Variants in LARGE1 observed in about 807,000 individuals in gnomAD.
LARGE1 encodes xylosyl- and glucuronyltransferase LARGE1.
A neutral mutation model predicts 87.6 loss-of-function variants in LARGE1; 43 were observed. The ratio of observed to expected loss-of-function variants is 0.49; its 90% confidence interval spans 0.38 to 0.63. LARGE1 has a LOEUF of 0.63. Among genes scored for constraint, LARGE1 ranks in the 30% least tolerant of loss-of-function variants. The pLI is 0.00. For synonymous variants in LARGE1, 434 were observed against 394.6 expected (o/e 1.10, Z -1.18); for missense variants, 802 against 1,000.2 (o/e 0.80, Z 2.67).
chr22:33,478,856 C>G (rs1206657226), intron 6 of LARGE1, among the ~76,000 whole-genome samples: 1 of 152,192 alleles, frequency 6.6e-6, no homozygotes, highest in Non-Finnish European at 1.5e-5. Context: ...GAGGGCATCG[C>G]TAACTATCTT....
intron 6 of LARGE1, among the ~76,000 whole-genome samples, chr22:33,460,473 T>C (rs1282451361): frequency 3.9e-5 from 6 of 151,984 alleles, no homozygotes; most frequent in Admixed American, 1.3e-4. Flanking sequence ...TAAAAACACA[T>C]AAAAATGCTA....
At chr22:33,764,248 G>T (rs1262308366) in intron 1 of LARGE1, among the ~76,000 whole-genome samples, 2 of 152,178 alleles carry the variant, frequency 1.3e-5, no homozygotes, top group East Asian at 1.9e-4. Context: ...TGCCAGATAG[G>T]TGATTTAAAC....
intron 1 of LARGE1, among the ~76,000 whole-genome samples, chr22:33,858,772 A>G (rs183125976): frequency 5.4e-4 from 82 of 152,358 alleles, no homozygotes; most frequent in African/African-American, 1.8e-3. Context: ...ACTATTCACA[A>G]TAGCAAAGAC....
chr22:33,342,338 G>A (rs16992183), intron 9 of LARGE1, among the ~76,000 whole-genome samples: 12,033 of 152,188 alleles, frequency 0.079, 1,203 homozygotes, highest in African/African-American at 0.24. Flanking sequence ...TATGGACCCC[G>A]CAAACAAAGC....
chr22:33,113,434 C>T, the LARGE1 span, among the ~76,000 whole-genome samples: 6 of 152,092 alleles, frequency 3.9e-5, no homozygotes, highest in African/African-American at 9.7e-5. Flanking sequence ...CTCGAACTCC[C>T]GACCTCAGGT....
intron 11 of LARGE1, among the ~76,000 whole-genome samples, chr22:33,184,035 A>G (rs1923336491): frequency 7.0e-6 from 1 of 143,804 alleles, no homozygotes; most frequent in Admixed American, 7.3e-5. Flanking sequence ...ACACAGTGGT[A>G]ACTATGGGTA....
At chr22:33,883,745 A>G (rs1381520085) in intron 1 of LARGE1, among the ~76,000 whole-genome samples, 1 of 152,168 alleles carries the variant, frequency 6.6e-6, no homozygotes, top group African/African-American at 2.4e-5. Context: ...CCCATGACTC[A>G]TTCCTTCACC....
intron 2 of LARGE1, among the ~76,000 whole-genome samples, 187 bp downstream of exon 2, chr22:33,761,184 G>C (rs540023283): frequency 6.6e-6 from 1 of 151,960 alleles, no homozygotes; most frequent in Non-Finnish European, 1.5e-5. Flanking sequence ...TATTTTGCTT[G>C]TTTTTCCCTT....
chr22:33,728,159 G>A (rs2083328286), intron 2 of LARGE1, among the ~76,000 whole-genome samples: 1 of 151,910 alleles, frequency 6.6e-6, no homozygotes, highest in Non-Finnish European at 1.5e-5. Flanking sequence ...AACTCCACTT[G>A]TAGTATCCCG....
At chr22:33,519,536 G>A (rs997845558) in intron 6 of LARGE1, among the ~76,000 whole-genome samples, 4 of 151,996 alleles carry the variant, frequency 2.6e-5, no homozygotes, top group Non-Finnish European at 4.4e-5. Flanking sequence ...AAGACACCCA[G>A]GTTCCCTCTC....
At chr22:33,584,037 A>G (rs890327753) in intron 5 of LARGE1, among the ~76,000 whole-genome samples, 2 of 152,214 alleles carry the variant, frequency 1.3e-5, no homozygotes, top group African/African-American at 2.4e-5. Context: ...AGTTTCCTCA[A>G]TTATCAAAAA....
At chr22:33,535,957 T>C (rs73882246) in intron 6 of LARGE1, among the ~76,000 whole-genome samples, 1,911 of 152,284 alleles carry the variant, frequency 0.013, 38 homozygotes, top group African/African-American at 0.043. Context: ...TGAGAGACCA[T>C]GGAAATGAGC....
intron 12 of LARGE1, among the ~76,000 whole-genome samples, chr22:33,290,161 C>T (rs555014203): frequency 3.0e-4 from 46 of 152,284 alleles, no homozygotes; most frequent in African/African-American, 1.1e-3. Flanking sequence ...ACATACACAC[C>T]TCCCTCCCTC....
intron 12 of LARGE1, among the ~76,000 whole-genome samples, chr22:33,295,149 G>T (rs1013110651): frequency 6.6e-6 from 1 of 152,184 alleles, no homozygotes; most frequent in Non-Finnish European, 1.5e-5. Flanking sequence ...GTGGATGCTC[G>T]TAAGAAGTGG....
chr22:33,254,355 C>G (rs576388365), intron 11 of LARGE1, among the ~76,000 whole-genome samples: 2 of 152,192 alleles, frequency 1.3e-5, no homozygotes, highest in African/African-American at 4.8e-5. Flanking sequence ...AGTCTTTGAG[C>G]AAGCTCTGAC....
At chr22:33,777,557 C>T (rs1028852019) in intron 1 of LARGE1, among the ~76,000 whole-genome samples, 1 of 150,224 alleles carries the variant, frequency 6.7e-6, no homozygotes, top group Non-Finnish European at 1.5e-5. Flanking sequence ...GTGGAAGGAT[C>T]TCTTGAGCCC....
intron 1 of LARGE1, among the ~76,000 whole-genome samples, chr22:33,909,361 A>G (rs1019419581): frequency 2.6e-5 from 4 of 152,104 alleles, no homozygotes; most frequent in Non-Finnish European, 5.9e-5. Context: ...AATCCTGTCC[A>G]GCTGTCTCCC....
the LARGE1 span, among the ~76,000 whole-genome samples, chr22:33,090,280 T>A: frequency 6.6e-6 from 1 of 151,882 alleles, no homozygotes; most frequent in African/African-American, 2.4e-5. Flanking sequence ...CTTAGTGAGG[T>A]GAGTTGGACA....
intron 4 of LARGE1, among the ~76,000 whole-genome samples, chr22:33,613,574 C>A (rs938280809): frequency 4.6e-5 from 7 of 152,176 alleles, no homozygotes; most frequent in Middle Eastern, 3.2e-3. Context: ...CTCACCACAA[C>A]CTCCGCCTCC....
Sources: allele counts gnomAD v4.1 joint callset (sites outside exome capture counted in the v4.1 genomes callset), GRCh38; gene constraint gnomAD v4.1.1; transcripts MANE v1.5; gene names NCBI Gene and HGNC (gene_info 2026-07-23, HGNC 2026-07-21).